Variants in ZSWIM6 observed in about 807,000 individuals in gnomAD.
The protein encoded by ZSWIM6 is zinc finger SWIM domain-containing protein 6.
In ZSWIM6, 9 loss-of-function variants were observed where a neutral mutation model predicts 113.2. The observed-to-expected ratio is 0.08, with a 90% CI of 0.05 to 0.14. ZSWIM6 has a LOEUF of 0.14. Ranked by LOEUF, ZSWIM6 falls within the 10% of genes least tolerant of loss-of-function variation. ZSWIM6 has a pLI of 1.00. For synonymous variants in ZSWIM6, 611 were observed against 606.5 expected (o/e 1.01, Z -0.11); for missense variants, 1,162 against 1,552.2 (o/e 0.75, Z 4.22).
chr5:61,385,174 A>G (rs1255150816), intron 1 of ZSWIM6, among the ~76,000 whole-genome samples: 6 of 152,224 alleles, frequency 3.9e-5, no homozygotes, highest in Non-Finnish European at 8.8e-5. Flanking sequence ...GCAGAACTCC[A>G]TGGACATGGA....
At chr5:61,468,130 T>C (rs1747479851) in intron 1 of ZSWIM6, among the ~76,000 whole-genome samples, 1 of 152,206 alleles carries the variant, frequency 6.6e-6, no homozygotes, top group Non-Finnish European at 1.5e-5. Context: ...TAGCCACATT[T>C]TGCACACAAA....
At chr5:61,339,054 A>C (rs951106513) in intron 1 of ZSWIM6, among the ~76,000 whole-genome samples, 6 of 152,224 alleles carry the variant, frequency 3.9e-5, no homozygotes, top group Non-Finnish European at 8.8e-5. Flanking sequence ...TGAATGTTTC[A>C]TATGGAAAGA....
At position 61,332,698 on chromosome 5, in the gene ZSWIM6, T is replaced by TGAA; in HGVS notation, c.427_428insAAG (p.Gly142_Gly143insGlu). On this transcript the variant is annotated inframe_insertion, in exon 1 of 14. Transcript: ENST00000252744. ...CGGGCGGCCCCGGCGACGACAGCGG[T>TGAA]GGCGGCGGCGGCGCGGGCGGCGGCG... is the stretch of plus-strand genomic sequence containing the variant. 1.0e-6 allele frequency: 1 copy of TGAA among 967,256 alleles called. No individual in the cohort carries two copies. Among genetic ancestry groups the TGAA allele is most frequent in the Non-Finnish European group, 1.2e-6 (1 of 819,400 alleles). The allele number at this position is 967,256 out of a possible 1,614,324, so 59.9% of individuals were successfully genotyped here.
chr5:61,391,386 G>T, intron 1 of ZSWIM6: 1 of 855,350 alleles, frequency 1.2e-6, no homozygotes, highest in Non-Finnish European at 2.0e-6. Flanking sequence ...TGTAGGCAAT[G>T]ATGCAGATGA....
At chr5:61,392,804 G>A (rs1201834977) in intron 1 of ZSWIM6, among the ~76,000 whole-genome samples, 1 of 151,994 alleles carries the variant, frequency 6.6e-6, no homozygotes, top group South Asian at 2.1e-4. Context: ...TAGAGACAGG[G>A]TTTCTCCATG....
chr5:61,334,800 G>C (rs908119494), intron 1 of ZSWIM6, among the ~76,000 whole-genome samples: 8 of 151,190 alleles, frequency 5.3e-5, no homozygotes, highest in African/African-American at 1.9e-4. Flanking sequence ...TCTGTTTCCT[G>C]CCGGTTAGCG....
At chr5:61,440,799 G>T (rs1311851300) in intron 1 of ZSWIM6, among the ~76,000 whole-genome samples, 1 of 152,164 alleles carries the variant, frequency 6.6e-6, no homozygotes, top group Non-Finnish European at 1.5e-5. Context: ...TTTAATGCGT[G>T]CCAGCCATGT....
chr5:61,359,378 C>T (rs1482177962), intron 1 of ZSWIM6, among the ~76,000 whole-genome samples: 2 of 152,042 alleles, frequency 1.3e-5, no homozygotes, highest in South Asian at 2.1e-4. Context: ...AGTTTTTATG[C>T]GGTGAATGAC....
At chr5:61,359,379 G>A (rs541189946) in intron 1 of ZSWIM6, among the ~76,000 whole-genome samples, 3 of 152,188 alleles carry the variant, frequency 2.0e-5, no homozygotes, top group South Asian at 2.1e-4. Flanking sequence ...GTTTTTATGC[G>A]GTGAATGACG....
At chr5:61,532,892 A>G (rs1382345339) in intron 9 of ZSWIM6, among the ~76,000 whole-genome samples, 3 of 152,212 alleles carry the variant, frequency 2.0e-5, no homozygotes. Context: ...TCCTTATGCT[A>G]TAAGCAATGT....
At chr5:61,446,143 C>T (rs752524209) in intron 1 of ZSWIM6, among the ~76,000 whole-genome samples, 27 of 152,202 alleles carry the variant, frequency 1.8e-4, no homozygotes, top group Non-Finnish European at 2.9e-4. Context: ...TCTCCTGCCT[C>T]AGCCTCCTGA....
At chr5:61,460,435 C>G (rs1462860735) in intron 1 of ZSWIM6, among the ~76,000 whole-genome samples, 5 of 152,132 alleles carry the variant, frequency 3.3e-5, no homozygotes, top group Non-Finnish European at 5.9e-5. Flanking sequence ...TTTGAATCTT[C>G]AAAAGGTGGT....
chr5:61,356,742 T>C (rs1319892702), intron 1 of ZSWIM6, among the ~76,000 whole-genome samples: 1 of 134,476 alleles, frequency 7.4e-6, no homozygotes, highest in African/African-American at 2.8e-5. Context: ...ATATATATTA[T>C]ATATATATAT....
At chr5:61,383,851 C>T (rs572268400) in intron 1 of ZSWIM6, among the ~76,000 whole-genome samples, 1 of 151,784 alleles carries the variant, frequency 6.6e-6, no homozygotes, top group Non-Finnish European at 1.5e-5. Flanking sequence ...CTGGCCAGAA[C>T]TTTTTCTTAT....
intron 1 of ZSWIM6, among the ~76,000 whole-genome samples, chr5:61,367,008 A>T (rs1196035655): frequency 6.6e-6 from 1 of 151,838 alleles, no homozygotes; most frequent in African/African-American, 2.4e-5. Flanking sequence ...TGATTAAGTG[A>T]TAGCATGAGG....
chr5:61,449,700 G>T (rs904176471), intron 1 of ZSWIM6, among the ~76,000 whole-genome samples: 1 of 152,138 alleles, frequency 6.6e-6, no homozygotes. Context: ...GGCAAAACTG[G>T]GGTTGACAGT....
chr5:61,353,152 A>G (rs1412838602), intron 1 of ZSWIM6, among the ~76,000 whole-genome samples: 1 of 152,190 alleles, frequency 6.6e-6, no homozygotes, highest in African/African-American at 2.4e-5. Context: ...TTTCTGTCTC[A>G]AAGTGGTCTT....
chr5:61,513,408 C>T (rs1357775165), intron 4 of ZSWIM6, among the ~76,000 whole-genome samples: 1 of 152,000 alleles, frequency 6.6e-6, no homozygotes, highest in East Asian at 1.9e-4. Context: ...CAGGTATTTT[C>T]TCCTAGTCTG....
chr5:61,463,012 AT>A (rs1418404832), intron 1 of ZSWIM6, among the ~76,000 whole-genome samples: 1 of 152,098 alleles, frequency 6.6e-6, no homozygotes, highest in Non-Finnish European at 1.5e-5. Context: ...CTGCCTATAT[AT>A]TTTTTTCATT....
Sources: gnomAD v4.1 joint callset for allele counts (sites outside exome capture counted in the v4.1 genomes callset) on GRCh38, gnomAD v4.1.1 for gene constraint, MANE v1.5 for transcripts, NCBI Gene and HGNC (gene_info 2026-07-23, HGNC 2026-07-21) for gene names.